The following ARFGEF3 variants were observed in gnomAD, a reference collection of about 807,000 sequenced individuals.
The protein encoded by ARFGEF3 is ARFGEF family member 3.
Under a neutral mutation model 221.7 loss-of-function variants are expected in ARFGEF3, and 96 were observed. That is an observed-to-expected ratio of 0.43 (90% CI 0.37 to 0.51). ARFGEF3 has a LOEUF of 0.51. Among genes scored for constraint, ARFGEF3 ranks in the 20% least tolerant of loss-of-function variants. The pLI is 0.00. For synonymous variants in ARFGEF3, 1,145 were observed against 1,126.8 expected (o/e 1.02, Z -0.32); for missense variants, 2,410 against 2,789.9 (o/e 0.86, Z 3.07).
At chr6:138,266,623 G>A (rs1389756905) in intron 12 of ARFGEF3, among the ~76,000 whole-genome samples, 1 of 152,098 alleles carries the variant, frequency 6.6e-6, no homozygotes, top group African/African-American at 2.4e-5. Flanking sequence ...GCCGAGGCAG[G>A]CGGATCATGA....
At chr6:138,253,735 AC>A (rs1341735350) in intron 8 of ARFGEF3, 144 bp from the exon 9 acceptor site, 1 of 668,236 alleles carries the variant, frequency 1.5e-6, no homozygotes, top group Non-Finnish European at 2.6e-6. Flanking sequence ...GGAGAGAGAC[AC>A]AGTTCAACCC....
intron 4 of ARFGEF3, among the ~76,000 whole-genome samples, chr6:138,224,992 G>T (rs1778055213): frequency 6.6e-6 from 1 of 152,176 alleles, no homozygotes; most frequent in Non-Finnish European, 1.5e-5. Flanking sequence ...GGTTGACTAG[G>T]ACAGTAGGGG....
intron 10 of ARFGEF3, among the ~76,000 whole-genome samples, chr6:138,257,437 A>G (rs1778705479): frequency 6.6e-6 from 1 of 152,192 alleles, no homozygotes; most frequent in Admixed American, 6.5e-5. Context: ...AGAGGAAGGG[A>G]GAAGAGAGGC....
intron 4 of ARFGEF3, among the ~76,000 whole-genome samples, chr6:138,215,370 T>C (rs1244190945): frequency 1.3e-5 from 2 of 152,174 alleles, no homozygotes; most frequent in African/African-American, 2.4e-5. Context: ...TGAGAGAGCA[T>C]TTGATGAATA....
intron 2 of ARFGEF3, among the ~76,000 whole-genome samples, chr6:138,177,751 C>G (rs1776984222): frequency 6.6e-6 from 1 of 151,854 alleles, no homozygotes; most frequent in Non-Finnish European, 1.5e-5. Flanking sequence ...TTGGTCTAGT[C>G]TATTACTGAA....
At chr6:138,254,046 T>G (rs1778628719) in intron 9 of ARFGEF3, 62 bp downstream of exon 9, 2 of 1,128,288 alleles carry the variant, frequency 1.8e-6, no homozygotes, top group Non-Finnish European at 2.5e-6. Context: ...GCTGACTGTG[T>G]CTCTGGGTCC....
chr6:138,274,696 G>A (rs1468254601), intron 12 of ARFGEF3, among the ~76,000 whole-genome samples: 1 of 151,204 alleles, frequency 6.6e-6, no homozygotes, highest in Non-Finnish European at 1.5e-5. Context: ...TCGGGAGGCT[G>A]AGGCAGGAGA....
In ARFGEF3 at chr6:138,191,554, A is replaced by G. The variant is rs1462628669; in HGVS notation, c.138-15488A>G. On this transcript the variant is annotated intron_variant, in intron 2 of 33. Coordinates refer to ENST00000251691, the MANE Select transcript of ARFGEF3 (RefSeq NM_020340.5). ...TCAGAGCCCTATCCTTCTGTTCTGC[A>G]CCTTGTACATTTCCTTGGAAGTTTC... Among the ~76,000 whole-genome samples, 4 of 152,160 alleles carry G rather than the reference A, an allele frequency of 2.6e-5. No individual in the cohort carries two copies. The East Asian group carries it at 7.7e-4, about 29-fold the overall frequency.
chr6:138,323,621 A>G, intron 29 of ARFGEF3, 50 bp from the exon 30 acceptor site: 1 of 1,534,074 alleles, frequency 6.5e-7, no homozygotes, highest in Non-Finnish European at 8.9e-7. Context: ...GAAAAAAACA[A>G]ACAACAACAA....
At chr6:138,220,554 T>C (rs1777966573) in intron 4 of ARFGEF3, among the ~76,000 whole-genome samples, 1 of 152,196 alleles carries the variant, frequency 6.6e-6, no homozygotes, top group Non-Finnish European at 1.5e-5. Context: ...TATGAGAAAA[T>C]GCATCCTGCA....
chr6:138,258,007 G>C (rs1269311377), intron 10 of ARFGEF3, among the ~76,000 whole-genome samples: 1 of 152,180 alleles, frequency 6.6e-6, no homozygotes, highest in Non-Finnish European at 1.5e-5. Flanking sequence ...TCCCTCTCCT[G>C]CCTGTTTTAT....
rs561551892 is a variant in ARFGEF3 at position 138,232,274 on chromosome 6, AG to A, written c.420+2423del. Among the ~76,000 whole-genome samples, 1,111 of 152,346 alleles carry A rather than the reference AG, an allele frequency of 7.3e-3. 5 individuals carry two copies. Among genetic ancestry groups the A allele is most frequent in the African/African-American group, 0.025 (1,041 of 41,582 alleles). Reference sequence around the variant, plus strand: ...GTAATCCCAGCACTTTGGGAGGCCGAGACAGGCGGATCACCTGAGGTTGAGA... The same window carrying A: ...GTAATCCCAGCACTTTGGGAGGCCGAACAGGCGGATCACCTGAGGTTGAGA... On this transcript the variant is annotated intron_variant, in intron 5 of 33. Transcript: ENST00000251691.
Position 138,311,548 on chromosome 6 carries a change from C to T in ARFGEF3, c.4200+38C>T, listed in dbSNP as rs757329241. 2.2e-5 allele frequency: 31 copies of T among 1,431,462 alleles called. No individual in the cohort carries two copies. The South Asian group carries it at 3.5e-4, about 16-fold the overall frequency. The allele number at this position is 1,431,462 out of a possible 1,614,324, so 88.7% of individuals were successfully genotyped here. ...TCCAGCTGGGCTCCCGGCCTGGAAA[C>T]CTGCCTCGGAACATGCTGCCAAAAC... On this transcript the variant is annotated intron_variant, in intron 25 of 33. Coordinates refer to ENST00000251691, the MANE Select transcript of ARFGEF3 (RefSeq NM_020340.5).
In ARFGEF3 at chr6:138,263,523, G is replaced by A. The variant is rs1455631814; in HGVS notation, c.2040G>A (p.Leu680=). 6.2e-6 allele frequency: 10 copies of A among 1,613,470 alleles called. No individual in the cohort carries two copies. The Admixed American group carries it at 1.7e-4, about 27-fold the overall frequency. The change falls in exon 12 of 34, where the codon CTG becomes CTA. Residue 680 remains leucine (L), a synonymous_variant. Coordinates refer to ENST00000251691, the MANE Select transcript of ARFGEF3 (RefSeq NM_020340.5). ...QHSARLFIQS[L]EGLLPRLLSL... ...GCGCCAGGCTGTTCATACAGTCCCT[G>A]GAAGGCCTCCTCCCTCGGCTCCTGT...
At position 138,196,290 on chromosome 6, in the gene ARFGEF3, ACAT is replaced by A. The variant is rs539488872; in HGVS notation, c.138-10748_138-10746del. Reference sequence around the variant, plus strand: ...ATTAGGCAAGTTCATTATTATGCAAACATCATAGAGTGTGCTTACACAAACCTA... The same window carrying A: ...ATTAGGCAAGTTCATTATTATGCAAACATAGAGTGTGCTTACACAAACCTA... On this transcript the variant is annotated intron_variant, in intron 2 of 33. Transcript: ENST00000251691. Among the ~76,000 whole-genome samples, 42 of 152,332 alleles carry A rather than the reference ACAT, an allele frequency of 2.8e-4. No homozygotes were observed. The East Asian group carries it at 7.1e-3, about 26-fold the overall frequency.
At chr6:138,330,276 A>T (rs1391690991) in intron 32 of ARFGEF3, among the ~76,000 whole-genome samples, 2 of 152,054 alleles carry the variant, frequency 1.3e-5, no homozygotes, top group East Asian at 3.9e-4. Flanking sequence ...AATGGGAATC[A>T]TGCCCTTAAG....
chr6:138,222,140 GAA>G (rs1228657739), intron 4 of ARFGEF3, among the ~76,000 whole-genome samples: 3 of 152,152 alleles, frequency 2.0e-5, no homozygotes, highest in Non-Finnish European at 2.9e-5. Flanking sequence ...TTTGGAGTTG[GAA>G]CAGTGTTGTA....
rs1384067921 is a variant in ARFGEF3 at position 138,242,000 on chromosome 6, T to A, written c.544-952T>A. Among the ~76,000 whole-genome samples, 3 of 152,242 alleles carry A rather than the reference T, an allele frequency of 2.0e-5. No individual in the cohort carries two copies. The East Asian group carries it at 5.8e-4, about 29-fold the overall frequency. ...TTAAATATGACTTAAATGTGCTTCC[T>A]CCGGAATGTTGTTCTCAACTTGACT... On this transcript the variant is annotated intron_variant, in intron 6 of 33. Transcript: ENST00000251691.
chr6:138,298,592 C>T lies in ARFGEF3; in HGVS notation c.3649-14C>T, dbSNP rs144654264. Reference sequence around the variant, plus strand: ...CTGTCCTGATGGTGAGCCACTCTCTCGTGAATTTTGCAGGCTGCTTGCCAT... The same window carrying T: ...CTGTCCTGATGGTGAGCCACTCTCTTGTGAATTTTGCAGGCTGCTTGCCAT... On this transcript the variant is annotated splice_polypyrimidine_tract_variant and intron_variant, in intron 21 of 33. Transcript: ENST00000251691. 8.8e-4 allele frequency: 1,420 copies of T among 1,607,286 alleles called. 14 individuals are homozygous for T. In the African/African-American group the frequency reaches 0.016, roughly 18 times the overall value.
Sources: gnomAD v4.1 joint callset for allele counts (sites outside exome capture counted in the v4.1 genomes callset) on GRCh38, gnomAD v4.1.1 for gene constraint, MANE v1.5 for transcripts, NCBI Gene and HGNC (gene_info 2026-07-23, HGNC 2026-07-21) for gene names.